The following PARM1 variants were observed in gnomAD, a reference collection of about 807,000 sequenced individuals.
PARM1 encodes prostate androgen-regulated mucin-like protein 1.
Under a neutral mutation model 24.6 loss-of-function variants are expected in PARM1, and 14 were observed. The ratio of observed to expected loss-of-function variants is 0.57; its 90% confidence interval spans 0.38 to 0.89. PARM1 has a LOEUF of 0.89. Among genes scored for constraint, PARM1 ranks in the 40% least tolerant of loss-of-function variants. PARM1 has a pLI of 0.00. For missense variants in PARM1, 362 were observed against 380.4 expected (o/e 0.95, Z 0.40); for synonymous variants, 179 against 156.6 (o/e 1.14, Z -1.07).
intron 1 of PARM1, among the ~76,000 whole-genome samples, chr4:74,935,798 A>G (rs529746287): frequency 1.3e-5 from 2 of 152,188 alleles, no homozygotes; most frequent in Non-Finnish European, 1.5e-5. Context: ...CAACAAGCCA[A>G]CAAGGGTAGA....
Position 74,935,383 on chromosome 4 carries a change from G to A in PARM1, c.43+2013G>A, listed in dbSNP as rs148908473. The stretch of plus-strand genomic sequence containing the variant: ...GTCCGAAAAAATAATATAAAAATTG[G>A]CATAAATACCTCATGAGATTCTTTG... On this transcript the variant is annotated intron_variant, in intron 1 of 3. Transcript: ENST00000307428. 8.3e-4 allele frequency among the ~76,000 whole-genome samples: 127 copies of A among 152,200 alleles called. 2 individuals are homozygous for A. Among genetic ancestry groups the A allele is most frequent in the African/African-American group, 3.0e-3 (123 of 41,490 alleles).
chr4:75,035,739 G>A (rs1050738171), intron 3 of PARM1, among the ~76,000 whole-genome samples: 12 of 151,950 alleles, frequency 7.9e-5, no homozygotes, highest in African/African-American at 2.4e-4. Flanking sequence ...CTGCGTCTAC[G>A]ATACAAAGAA....
At position 75,040,084 on chromosome 4, in the gene PARM1, T is replaced by C. The variant is rs377084857; in HGVS notation, c.849-6079T>C. 7.2e-5 allele frequency among the ~76,000 whole-genome samples: 11 copies of C among 152,358 alleles called. No individual in the cohort carries two copies. In the South Asian group the frequency reaches 2.3e-3, roughly 32 times the overall value. ...CTTGGCAGTACCTGACGTATAGTAGTTGCTTAATGAACATTTATTGGATGA... is the reference window on the plus strand; with the variant it reads ...CTTGGCAGTACCTGACGTATAGTAGCTGCTTAATGAACATTTATTGGATGA... On this transcript the variant is annotated intron_variant, in intron 3 of 3. Transcript: ENST00000307428.
chr4:74,991,603 A>C (rs1722472701), intron 1 of PARM1, among the ~76,000 whole-genome samples: 1 of 152,180 alleles, frequency 6.6e-6, no homozygotes, highest in Admixed American at 6.6e-5. Flanking sequence ...TAGAAACATC[A>C]CCAGAAAGAA....
intron 1 of PARM1, chr4:74,965,526 C>T (rs1387510204): frequency 1.3e-5 from 2 of 152,244 alleles, no homozygotes; most frequent in Non-Finnish European, 2.9e-5. Flanking sequence ...CCTTTCCCCA[C>T]CTTCCCGTAT....
chr4:75,037,927 C>CT (rs1393414544), intron 3 of PARM1, among the ~76,000 whole-genome samples: 1 of 151,726 alleles, frequency 6.6e-6, no homozygotes, highest in Middle Eastern at 3.5e-3. Flanking sequence ...GGCAAGTTTT[C>CT]TTTTTTTGAG....
intron 2 of PARM1, among the ~76,000 whole-genome samples, chr4:75,018,572 G>T (rs1363582615): frequency 6.6e-6 from 1 of 152,182 alleles, no homozygotes; most frequent in African/African-American, 2.4e-5. Flanking sequence ...TACAAGAGAA[G>T]CAGTCTCTCA....
intron 1 of PARM1, chr4:74,957,101 A>G (rs1721652898): frequency 6.6e-6 from 1 of 152,246 alleles, no homozygotes; most frequent in Non-Finnish European, 1.5e-5. Context: ...GGGAACTCAC[A>G]TTTATTAAAT....
chr4:74,979,897 G>C (rs548683227), intron 1 of PARM1, among the ~76,000 whole-genome samples: 5 of 152,196 alleles, frequency 3.3e-5, no homozygotes, highest in African/African-American at 1.2e-4. Flanking sequence ...TGGAGAAAAA[G>C]CCTTTGATAA....
intron 1 of PARM1, 60 bp from the exon 2 acceptor site, chr4:75,012,365 C>G (rs993260611): frequency 1.9e-6 from 3 of 1,553,232 alleles, no homozygotes; most frequent in African/African-American, 2.7e-5. Flanking sequence ...AGCCTTGCCT[C>G]TATTTCACAT....
intron 1 of PARM1, among the ~76,000 whole-genome samples, chr4:75,006,197 G>A (rs1217360871): frequency 6.6e-6 from 1 of 151,948 alleles, no homozygotes; most frequent in African/African-American, 2.4e-5. Context: ...CAACTTGCAG[G>A]TTTGTTACAT....
intron 1 of PARM1, among the ~76,000 whole-genome samples, chr4:74,977,123 A>C (rs1722153030): frequency 6.6e-6 from 1 of 152,250 alleles, no homozygotes; most frequent in Admixed American, 6.5e-5. Context: ...ATGAATTGAC[A>C]GAAGTAGGCT....
intron 1 of PARM1, chr4:74,967,805 C>A (rs1295523354): frequency 6.6e-6 from 1 of 152,128 alleles, no homozygotes; most frequent in African/African-American, 2.4e-5. Context: ...AAAGTGAAAC[C>A]ATGGTTAAAA....
intron 1 of PARM1, among the ~76,000 whole-genome samples, chr4:75,008,208 A>C (rs1363136394): frequency 6.6e-6 from 1 of 152,236 alleles, no homozygotes; most frequent in East Asian, 1.9e-4. Flanking sequence ...CAACATTGTC[A>C]TACAATTTCA....
At chr4:75,026,387 A>G (rs1291029414) in intron 2 of PARM1, among the ~76,000 whole-genome samples, 5 of 152,232 alleles carry the variant, frequency 3.3e-5, no homozygotes, top group Non-Finnish European at 7.3e-5. Flanking sequence ...TATGTATAAT[A>G]TGCATAACCA....
chr4:74,965,868 C>A (rs545886075), intron 1 of PARM1, among the ~76,000 whole-genome samples: 1 of 152,186 alleles, frequency 6.6e-6, no homozygotes, highest in East Asian at 1.9e-4. Context: ...AGAAAACATG[C>A]CAACTGAATG....
chr4:75,036,584 G>A (rs1723377140), intron 3 of PARM1, among the ~76,000 whole-genome samples: 1 of 152,224 alleles, frequency 6.6e-6, no homozygotes. Flanking sequence ...TTGATAGATA[G>A]CTGTAGAGCG....
chr4:75,008,023 TA>T (rs1400252599), intron 1 of PARM1, among the ~76,000 whole-genome samples: 1 of 152,212 alleles, frequency 6.6e-6, no homozygotes, highest in Non-Finnish European at 1.5e-5. Context: ...GGTATTTAGT[TA>T]CAGCAGTCCT....
chr4:74,949,887 C>T, intron 1 of PARM1, among the ~76,000 whole-genome samples: 1 of 146,450 alleles, frequency 6.8e-6, no homozygotes, highest in South Asian at 2.1e-4. Context: ...AAAAGAGTGA[C>T]AAAGAAAGGA....
Sources: allele counts gnomAD v4.1 joint callset (sites outside exome capture counted in the v4.1 genomes callset), GRCh38; gene constraint gnomAD v4.1.1; transcripts MANE v1.5; gene names NCBI Gene and HGNC (gene_info 2026-07-23, HGNC 2026-07-21).